The following NHERF2 variants were observed in gnomAD, a reference collection of about 807,000 sequenced individuals.
NHERF2 encodes Na(+)/H(+) exchange regulatory cofactor NHE-RF2.
chr16:2,032,680 T>G, the NHERF2 span: 1 of 350,326 alleles, frequency 2.9e-6, no homozygotes, highest in Non-Finnish European at 4.0e-6. This position sits in a 1 kb window ranked among gnomAD's most constrained non-coding sequence, Gnocchi z 4.0. Context: ...GCCCCTCCTT[T>G]TGGGGGCCGT....
chr16:2,035,698 CAT>C, the NHERF2 span: 1 of 985,366 alleles, frequency 1.0e-6, no homozygotes, highest in East Asian at 1.1e-4. Context: ...CCAGAGGTAA[CAT>C]GGGGCAGGGC....
chr16:2,035,868 C>G, the NHERF2 span: 2 of 200,200 alleles, frequency 1.0e-5, no homozygotes, highest in Non-Finnish European at 1.8e-5. Context: ...CCGCAGCCAG[C>G]CCCACGGAGG....
chr16:2,032,940 G>A, the NHERF2 span: 3,054 of 1,085,396 alleles, frequency 2.8e-3, 63 homozygotes, highest in African/African-American at 0.046. The surrounding 1 kb of genome is among the most constrained non-coding windows in gnomAD (Gnocchi z 4.0). Flanking sequence ...ACAGTTCTGC[G>A]GGAGGCGGCT....
chr16:2,036,645 G>T, the NHERF2 span: 7 of 1,569,320 alleles, frequency 4.5e-6, no homozygotes, highest in Non-Finnish European at 6.1e-6. Context: ...TGGCTGTGAT[G>T]AATATTTGAT....
chr16:2,037,764 C>T, the NHERF2 span: 39 of 1,550,462 alleles, frequency 2.5e-5, no homozygotes, highest in Non-Finnish European at 3.4e-5. Context: ...TAGGAGGGGC[C>T]ACCGTCTGGG....
the NHERF2 span, among the ~76,000 whole-genome samples, chr16:2,033,820 T>G: frequency 2.6e-5 from 4 of 152,112 alleles, no homozygotes; most frequent in Non-Finnish European, 5.9e-5. Flanking sequence ...TGGGCCCCCC[T>G]TCCCCACGAG....
the NHERF2 span, chr16:2,032,936 C>G: frequency 5.5e-6 from 6 of 1,086,220 alleles, no homozygotes; most frequent in Non-Finnish European, 6.7e-6. This position sits in a 1 kb window ranked among gnomAD's most constrained non-coding sequence, Gnocchi z 4.0. Flanking sequence ...GGTGACAGTT[C>G]TGCGGGAGGC....
the NHERF2 span, chr16:2,036,133 G>A: frequency 7.0e-6 from 4 of 568,318 alleles, no homozygotes; most frequent in Non-Finnish European, 1.2e-5. Context: ...TTGAAAACAG[G>A]CTTTGCCCAA....
At chr16:2,027,072 T>C in the NHERF2 span, 1 of 1,447,554 alleles carries the variant, frequency 6.9e-7, no homozygotes, top group Non-Finnish European at 9.1e-7. Context: ...GGGCTACGGC[T>C]TCCACCTGCA....
chr16:2,038,584 A>G, the NHERF2 span: 9,073 of 319,392 alleles, frequency 0.028, 224 homozygotes, highest in Admixed American at 0.088. Flanking sequence ...CTTCGTGGGG[A>G]CCTTGGGTAA....
chr16:2,038,231 GAGAGAGAGAC>G, the NHERF2 span: 2 of 590,302 alleles, frequency 3.4e-6, no homozygotes, highest in Non-Finnish European at 6.0e-6. Flanking sequence ...CAGAGAGAGA[GAGAGAGAGAC>G]ACAGAGAGAG....
the NHERF2 span, chr16:2,036,125 G>C: frequency 1.8e-6 from 1 of 551,478 alleles, no homozygotes; most frequent in South Asian, 2.9e-5. Context: ...TTCTGGGTTT[G>C]AAAACAGGCT....
At chr16:2,035,480 A>G in the NHERF2 span, 1 of 986,180 alleles carries the variant, frequency 1.0e-6, no homozygotes, top group Non-Finnish European at 1.2e-6. Flanking sequence ...GCCCGCCTGC[A>G]CAGTCTCCCC....
At chr16:2,032,776 C>T in the NHERF2 span, 17 of 991,434 alleles carry the variant, frequency 1.7e-5, no homozygotes, top group African/African-American at 2.4e-4. The surrounding 1 kb of genome is among the most constrained non-coding windows in gnomAD (Gnocchi z 4.0). Flanking sequence ...CTAGTAGTGA[C>T]GACAGGGGAC....
At chr16:2,036,468 C>A in the NHERF2 span, 1 of 1,601,330 alleles carries the variant, frequency 6.2e-7, no homozygotes, top group Non-Finnish European at 8.5e-7. Flanking sequence ...ACCTGCCGCC[C>A]GCTCTGGCCT....
chr16:2,026,963 C>T, the NHERF2 span: 5 of 884,190 alleles, frequency 5.7e-6, no homozygotes, highest in Non-Finnish European at 6.8e-6. Flanking sequence ...CCCCGAGCTC[C>T]CCCGCGCCCC....
At chr16:2,037,779 G>T in the NHERF2 span, 1 of 1,553,920 alleles carries the variant, frequency 6.4e-7, no homozygotes, top group South Asian at 1.2e-5. Flanking sequence ...TCTGGGGTGT[G>T]GGACTAGGGC....
At chr16:2,035,568 T>A in the NHERF2 span, 1 of 987,354 alleles carries the variant, frequency 1.0e-6, no homozygotes, top group Non-Finnish European at 1.2e-6. Context: ...CATGTTTAAC[T>A]GAGCACGGGC....
At chr16:2,032,029 T>C in the NHERF2 span, among the ~76,000 whole-genome samples, 1 of 151,338 alleles carries the variant, frequency 6.6e-6, no homozygotes, top group African/African-American at 2.4e-5. This position sits in a 1 kb window ranked among gnomAD's most constrained non-coding sequence, Gnocchi z 4.0. Flanking sequence ...TTTCTTTTTT[T>C]TTTTTTTTGA....
Sources: gnomAD v4.1 joint callset for allele counts (sites outside exome capture counted in the v4.1 genomes callset) on GRCh38, gnomAD v4.1.1 for gene constraint, Gnocchi (gnomAD v3.1) non-coding constraint, MANE v1.5 for transcripts, NCBI Gene and HGNC (gene_info 2026-07-23, HGNC 2026-07-21) for gene names.